The following PCDHGA10 variants were observed in gnomAD, a reference collection of about 807,000 sequenced individuals.
PCDHGA10 encodes the protein protocadherin gamma-A10.
PCDHGA10 carries 42 observed loss-of-function variants against 59.5 expected under a neutral mutation model. That is an observed-to-expected ratio of 0.71 (90% CI 0.55 to 0.91). The LOEUF (loss-of-function observed/expected upper bound fraction) is 0.91, where lower values mean the gene tolerates loss of function less well. PCDHGA10 is among the 40% of genes least tolerant of loss of function. PCDHGA10 has a pLI of 0.00. For synonymous variants in PCDHGA10, 511 were observed against 517.2 expected (o/e 0.99, Z 0.16); for missense variants, 1,111 against 1,198.2 (o/e 0.93, Z 1.07).
Position 141,491,815 on chromosome 5 carries a change from C to T in PCDHGA10, c.2437-2992C>T. The T allele has an allele frequency of 6.7e-7, 1 of 1,485,264 alleles. No individual in the cohort carries two copies. Among genetic ancestry groups the T allele is most frequent in the African/African-American group, 1.4e-5 (1 of 70,622 alleles). The allele number at this position is 1,485,264 out of a possible 1,614,324, so 92.0% of individuals were successfully genotyped here. ...CCTCTCCGGCCGGCTTGGTCGCTGGCTGCGCTCCACCCGATTCTCGGGATC... is the reference window on the plus strand; with the variant it reads ...CCTCTCCGGCCGGCTTGGTCGCTGGTTGCGCTCCACCCGATTCTCGGGATC... On this transcript the variant is annotated intron_variant, in intron 1 of 3. Coordinates refer to ENST00000398610, the MANE Select transcript of PCDHGA10 (RefSeq NM_018913.3). This position sits in a 1 kb window ranked among gnomAD's most constrained non-coding sequence, Gnocchi z 6.9.
At chr5:141,481,240 T>G (rs1323124277) in intron 1 of PCDHGA10, among the ~76,000 whole-genome samples, 1 of 152,208 alleles carries the variant, frequency 6.6e-6, no homozygotes, top group Non-Finnish European at 1.5e-5. Flanking sequence ...AAGTATTACA[T>G]AGCATAGCTC....
chr5:141,456,942 A>C (rs11737987), intron 1 of PCDHGA10, among the ~76,000 whole-genome samples: 42,405 of 152,066 alleles, frequency 0.28, 6,638 homozygotes, highest in African/African-American at 0.43. Flanking sequence ...CAGCCTGGGC[A>C]ACAGAGCAAA....
At chr5:141,446,169 C>A (rs920519501) in intron 1 of PCDHGA10, among the ~76,000 whole-genome samples, 1 of 152,014 alleles carries the variant, frequency 6.6e-6, no homozygotes, top group African/African-American at 2.4e-5. Flanking sequence ...TTCATGAGGG[C>A]AGGGGGTGTT....
chr5:141,507,851 C>T (rs570052933), intron 3 of PCDHGA10, among the ~76,000 whole-genome samples: 48 of 152,322 alleles, frequency 3.2e-4, no homozygotes, highest in African/African-American at 1.1e-3. Context: ...CCTGCTCTCA[C>T]TTTCACACCC....
intron 2 of PCDHGA10, among the ~76,000 whole-genome samples, chr5:141,502,845 T>G (rs2099816267): frequency 6.8e-6 from 1 of 147,606 alleles, no homozygotes; most frequent in South Asian, 2.1e-4. Context: ...CTGGCTGAGC[T>G]GCCTAACCCT....
chr5:141,423,904 G>A, intron 1 of PCDHGA10: 2 of 1,275,052 alleles, frequency 1.6e-6, no homozygotes, highest in Middle Eastern at 3.1e-4. Flanking sequence ...TGATTTCAAA[G>A]GGGCCATTCA....
In PCDHGA10 at chr5:141,487,456, G is replaced by A. The variant is rs1041154635; in HGVS notation, c.2437-7351G>A. Reference sequence around the variant, plus strand: ...AGCTAGGGTCAGATGACCCTATCAAGTTTGTTGATGTGGGAGGCCACTCTC... The same window carrying A: ...AGCTAGGGTCAGATGACCCTATCAAATTTGTTGATGTGGGAGGCCACTCTC... On this transcript the variant is annotated intron_variant, in intron 1 of 3. Coordinates refer to ENST00000398610, the MANE Select transcript of PCDHGA10 (RefSeq NM_018913.3). The surrounding 1 kb of genome is among the most constrained non-coding windows in gnomAD (Gnocchi z 5.0). 6.2e-7 allele frequency: 1 copy of A among 1,614,196 alleles called. No individual in the cohort carries two copies. The highest frequency in any genetic ancestry group is 8.5e-7 in the Non-Finnish European group (1 of 1,180,026).
chr5:141,423,985 C>T (rs1334591897), intron 1 of PCDHGA10: 2 of 1,100,512 alleles, frequency 1.8e-6, no homozygotes, highest in Non-Finnish European at 2.2e-6. Flanking sequence ...ATGAGGCTCT[C>T]AATTTATTAT....
chr5:141,476,825 G>A lies in PCDHGA10; in HGVS notation c.2437-17982G>A. ...GCCTATTCACATCAAGGTGCTGGACGCGAATGACAATGCGCCTGTCTTCAA... is the reference window on the plus strand; with the variant it reads ...GCCTATTCACATCAAGGTGCTGGACACGAATGACAATGCGCCTGTCTTCAA... On this transcript the variant is annotated intron_variant, in intron 1 of 3. Transcript: ENST00000398610. The surrounding 1 kb of genome is among the most constrained non-coding windows in gnomAD (Gnocchi z 7.6). 6.2e-7 allele frequency: 1 copy of A among 1,613,554 alleles called. No individual in the cohort carries two copies. Among genetic ancestry groups the A allele is most frequent in the East Asian group, 2.2e-5 (1 of 44,870 alleles).
intron 2 of PCDHGA10, among the ~76,000 whole-genome samples, chr5:141,500,453 C>T (rs1403599390): frequency 6.6e-6 from 1 of 152,130 alleles, no homozygotes; most frequent in South Asian, 2.1e-4. Context: ...TCGTGATCCG[C>T]CCGCCTCGGC....
chr5:141,478,744 T>C, intron 1 of PCDHGA10: 1 of 1,528,172 alleles, frequency 6.5e-7, no homozygotes, highest in Non-Finnish European at 8.8e-7. Flanking sequence ...TGTGGTCCCA[T>C]TTCAGGGGGA....
rs750200042 is a variant in PCDHGA10, at chr5:141,418,821, C to A, written c.2436+3210C>A. On this transcript the variant is annotated intron_variant, in intron 1 of 3. Coordinates refer to ENST00000398610, the MANE Select transcript of PCDHGA10 (RefSeq NM_018913.3). ...GAAAGATATACGATAAACATAGAAG[C>A]AAAAGACCGAGGATCTCTCTCAACA... 8.1e-6 allele frequency: 13 copies of A among 1,613,846 alleles called. 1 individual carries two copies. The highest frequency in any genetic ancestry group is 1.6e-4 in the Middle Eastern group (1 of 6,062).
chr5:141,426,614 G>T (rs1468159807), intron 1 of PCDHGA10: 25 of 385,508 alleles, frequency 6.5e-5, no homozygotes, highest in Non-Finnish European at 1.3e-4. Context: ...TTGTAGCAGA[G>T]AATCCTCTAA....
chr5:141,415,654 A>ATTGGT, intron 1 of PCDHGA10, 43 bp downstream of exon 1: 1 of 1,573,242 alleles, frequency 6.4e-7, no homozygotes, highest in Non-Finnish European at 8.6e-7. Flanking sequence ...AAAAAAAAAG[A>ATTGGT]TTGGTTTTTA....
In PCDHGA10 at chr5:141,489,515, G is replaced by A. The variant is rs983415025; in HGVS notation, c.2437-5292G>A. On this transcript the variant is annotated intron_variant, in intron 1 of 3. Coordinates refer to ENST00000398610, the MANE Select transcript of PCDHGA10 (RefSeq NM_018913.3). The surrounding 1 kb of genome is among the most constrained non-coding windows in gnomAD (Gnocchi z 4.5). ...CTGGCAGTGAATCAAAAGATTGACC[G>A]AGAAAGCCTATGTGGAGCCAGCACC... 2 of 1,614,104 alleles carry A rather than the reference G, an allele frequency of 1.2e-6. No homozygotes were observed. Among genetic ancestry groups the A allele is most frequent in the Non-Finnish European group, 8.5e-7 (1 of 1,180,034 alleles).
intron 1 of PCDHGA10, chr5:141,433,007 C>CT: frequency 6.2e-7 from 1 of 1,614,198 alleles, no homozygotes; most frequent in Non-Finnish European, 8.5e-7. Context: ...GCAGGCTTTC[C>CT]TGCAGACCTA....
intron 1 of PCDHGA10, among the ~76,000 whole-genome samples, chr5:141,460,183 CCA>C (rs561755067): frequency 7.2e-5 from 11 of 151,782 alleles, no homozygotes; most frequent in Non-Finnish European, 1.0e-4. Context: ...ATATTTTATC[CCA>C]GACTATGACT....
rs558730748 is a variant in PCDHGA10, at chr5:141,469,995, G to A, written c.2437-24812G>A. Reference sequence around the variant, plus strand: ...AAAATACAAAAATTAGCTGGTCGTCGTGGCACGCCTGTAATCCCAGCTACT... The same window carrying A: ...AAAATACAAAAATTAGCTGGTCGTCATGGCACGCCTGTAATCCCAGCTACT... On this transcript the variant is annotated intron_variant, in intron 1 of 3. Coordinates refer to ENST00000398610, the MANE Select transcript of PCDHGA10 (RefSeq NM_018913.3). Among the ~76,000 whole-genome samples, 8 of 152,194 alleles carry A rather than the reference G, an allele frequency of 5.3e-5. No homozygotes were observed. In the East Asian group the frequency reaches 5.8e-4, roughly 11 times the overall value.
chr5:141,475,823 T>C (rs2099373850), intron 1 of PCDHGA10: 1 of 360,288 alleles, frequency 2.8e-6, no homozygotes, highest in Non-Finnish European at 5.0e-6. Context: ...TTCCTGGCGC[T>C]AGCGCGTGTC....
Sources: gnomAD v4.1 joint callset for allele counts (sites outside exome capture counted in the v4.1 genomes callset) on GRCh38, gnomAD v4.1.1 for gene constraint, Gnocchi (gnomAD v3.1) non-coding constraint, MANE v1.5 for transcripts, NCBI Gene and HGNC (gene_info 2026-07-23, HGNC 2026-07-21) for gene names.